The following DPYD variants were observed in gnomAD, a reference collection of about 807,000 sequenced individuals.
The protein encoded by DPYD is dihydropyrimidine dehydrogenase [NADP(+)].
In DPYD, 109 loss-of-function variants were observed where a neutral mutation model predicts 116.2. The observed-to-expected ratio is 0.94, with a 90% CI of 0.80 to 1.10. DPYD has a LOEUF of 1.10. DPYD is among the 50% of genes least tolerant of loss of function. The probability of loss-of-function intolerance (pLI) is 0.00; values close to 1 mark genes in which losing one functional copy is unlikely to be tolerated. For missense variants in DPYD, 1,302 were observed against 1,254.5 expected, an observed-to-expected ratio of 1.04 and a Z score of -0.57; for synonymous variants, 440 against 432.0, an observed-to-expected ratio of 1.02 and a Z score of -0.23.
At chr1:97,498,498 G>GTA (rs1679398181) in intron 13 of DPYD, among the ~76,000 whole-genome samples, 1 of 149,384 alleles carries the variant, frequency 6.7e-6, no homozygotes, top group Non-Finnish European at 1.5e-5. Flanking sequence ...CTCTGTGTGT[G>GTA]TGTGTGTGTG....
chr1:97,554,436 A>AAG (rs958403211), intron 11 of DPYD, among the ~76,000 whole-genome samples: 5 of 152,152 alleles, frequency 3.3e-5, no homozygotes, highest in African/African-American at 1.2e-4. Context: ...GGGGAATAAA[A>AAG]ACTTTCAACA....
chr1:97,386,784 T>C (rs186068678), intron 14 of DPYD, among the ~76,000 whole-genome samples: 78 of 152,178 alleles, frequency 5.1e-4, no homozygotes, highest in Non-Finnish European at 1.0e-3. Context: ...GAAATAAAGA[T>C]GACCAAAAAA....
intron 10 of DPYD, chr1:97,586,311 T>C (rs982904713): frequency 4.0e-5 from 6 of 151,250 alleles, no homozygotes; most frequent in Admixed American, 3.3e-4. Context: ...AGTAGTCTTA[T>C]ATACAATTTT....
At chr1:97,563,742 G>C (rs911968799) in intron 11 of DPYD, among the ~76,000 whole-genome samples, 1 of 152,158 alleles carries the variant, frequency 6.6e-6, no homozygotes, top group Non-Finnish European at 1.5e-5. Context: ...GGATATCTAA[G>C]GCAGATGTAA....
chr1:97,641,240 G>A (rs762834355), intron 8 of DPYD, among the ~76,000 whole-genome samples: 90 of 152,246 alleles, frequency 5.9e-4, no homozygotes, highest in Non-Finnish European at 7.1e-4. Flanking sequence ...TACACAGTGC[G>A]TAGTGGGCAA....
intron 13 of DPYD, among the ~76,000 whole-genome samples, chr1:97,451,408 T>A (rs1250812167): frequency 6.6e-6 from 1 of 152,192 alleles, no homozygotes; most frequent in Admixed American, 6.5e-5. Flanking sequence ...TAATTTACAT[T>A]CACTTTTACA....
intron 8 of DPYD, among the ~76,000 whole-genome samples, chr1:97,643,246 C>T (rs961631867): frequency 6.6e-6 from 1 of 151,898 alleles, no homozygotes; most frequent in Non-Finnish European, 1.5e-5. Context: ...AAGAAATAAG[C>T]AAACAACCCC....
chr1:97,238,482 C>G (rs1021801290), intron 18 of DPYD, among the ~76,000 whole-genome samples: 2 of 151,986 alleles, frequency 1.3e-5, no homozygotes, highest in Non-Finnish European at 2.9e-5. Flanking sequence ...TTCTAAATTG[C>G]TATGTAGAAT....
intron 3 of DPYD, among the ~76,000 whole-genome samples, chr1:97,757,637 C>G (rs1665321443): frequency 6.6e-6 from 1 of 152,112 alleles, no homozygotes. Context: ...ATTTACCTCC[C>G]ATTACTATAA....
intron 22 of DPYD, 25 bp from the exon 23 acceptor site, chr1:97,079,171 G>A (rs1383449644): frequency 6.2e-7 from 1 of 1,612,126 alleles, no homozygotes; most frequent in Non-Finnish European, 8.5e-7. Flanking sequence ...AGAGGGTATT[G>A]ATGTCACTGA....
chr1:97,375,579 G>A lies in DPYD; in HGVS notation c.1975-1935C>T, dbSNP rs12032674. 1.5e-4 allele frequency among the ~76,000 whole-genome samples: 23 copies of A among 152,252 alleles called. No homozygotes were observed. The East Asian group carries it at 4.1e-3, about 27-fold the overall frequency. On this transcript the variant is annotated intron_variant, in intron 15 of 22. Coordinates refer to ENST00000370192, the MANE Select transcript of DPYD (RefSeq NM_000110.4). Reference sequence around the variant, plus strand: ...AAAACCATGCTGCTCTTTCCTTGATGGTTTGGTAGTGAGCATGGATGAGCA... The same window carrying A: ...AAAACCATGCTGCTCTTTCCTTGATAGTTTGGTAGTGAGCATGGATGAGCA...
intron 1 of DPYD, among the ~76,000 whole-genome samples, chr1:97,901,739 T>A (rs1450813408): frequency 6.6e-6 from 1 of 151,788 alleles, no homozygotes; most frequent in Non-Finnish European, 1.5e-5. Context: ...AAACTGACAG[T>A]GAAATACAGC....
chr1:97,221,883 A>G (rs924110454), intron 19 of DPYD, among the ~76,000 whole-genome samples: 2 of 152,028 alleles, frequency 1.3e-5, no homozygotes, highest in Non-Finnish European at 2.9e-5. Flanking sequence ...TGGGAATGAA[A>G]TCCATTCCCA....
At chr1:97,843,233 T>C in intron 2 of DPYD, among the ~76,000 whole-genome samples, 1 of 152,126 alleles carries the variant, frequency 6.6e-6, no homozygotes, top group East Asian at 1.9e-4. Flanking sequence ...ATTTAACCAA[T>C]TTTTACCATA....
At chr1:97,157,647 C>T (rs1177732756) in intron 20 of DPYD, among the ~76,000 whole-genome samples, 3 of 152,110 alleles carry the variant, frequency 2.0e-5, no homozygotes. Context: ...AAAAAGGAGG[C>T]TTGAAATTTC....
chr1:97,742,392 C>T (rs1019373708), intron 3 of DPYD, among the ~76,000 whole-genome samples: 5 of 152,006 alleles, frequency 3.3e-5, no homozygotes, highest in African/African-American at 1.2e-4. Context: ...TGCCCTTAGC[C>T]TTCTCTCTAA....
chr1:97,773,475 A>G (rs1452755560), intron 3 of DPYD, among the ~76,000 whole-genome samples: 1 of 152,180 alleles, frequency 6.6e-6, no homozygotes, highest in Non-Finnish European at 1.5e-5. Flanking sequence ...AAGTGAGAAC[A>G]GCACTCCTAT....
At chr1:97,245,841 G>A (rs1662682871) in intron 18 of DPYD, among the ~76,000 whole-genome samples, 1 of 152,062 alleles carries the variant, frequency 6.6e-6, no homozygotes, top group Non-Finnish European at 1.5e-5. Flanking sequence ...TATGGCCAGG[G>A]TGTCCATGGC....
intron 2 of DPYD, among the ~76,000 whole-genome samples, chr1:97,862,449 A>ATAT (rs1671166256): frequency 6.6e-6 from 1 of 151,954 alleles, no homozygotes; most frequent in African/African-American, 2.4e-5. Flanking sequence ...AAAAGCCACA[A>ATAT]TAATATACTA....
Sources: gnomAD v4.1 joint callset for allele counts (sites outside exome capture counted in the v4.1 genomes callset) on GRCh38, gnomAD v4.1.1 for gene constraint, MANE v1.5 for transcripts, NCBI Gene and HGNC (gene_info 2026-07-23, HGNC 2026-07-21) for gene names.